CDC14B: variants seen among roughly 807,000 people sequenced by gnomAD.
CDC14B encodes dual specificity protein phosphatase CDC14B.
In CDC14B, 22 loss-of-function variants were observed where a neutral mutation model predicts 64.2. The ratio of observed to expected loss-of-function variants is 0.34; its 90% confidence interval spans 0.24 to 0.49. The LOEUF (loss-of-function observed/expected upper bound fraction) is 0.49. CDC14B is among the 20% of genes least tolerant of loss of function. The probability of loss-of-function intolerance (pLI) is 0.99; values close to 1 mark genes in which losing one functional copy is unlikely to be tolerated. For synonymous variants in CDC14B, 191 were observed against 215.8 expected, an observed-to-expected ratio of 0.89 and a Z score of 1.01; for missense variants, 498 against 629.9, an observed-to-expected ratio of 0.79 and a Z score of 2.24.
At chr9:96,522,009 A>C (rs1333019658) in intron 12 of CDC14B, among the ~76,000 whole-genome samples, 1 of 152,202 alleles carries the variant, frequency 6.6e-6, no homozygotes, top group Non-Finnish European at 1.5e-5. Context: ...TCTCAGGCTA[A>C]ATCTTCCTCT....
chr9:96,527,604 T>A (rs191979742), intron 9 of CDC14B, among the ~76,000 whole-genome samples: 19 of 151,732 alleles, frequency 1.3e-4, no homozygotes, highest in African/African-American at 3.9e-4. Context: ...CCATTTTTAT[T>A]TTTTATTATT....
At chr9:96,553,346 CTTTCT>C (rs1371245651) in intron 4 of CDC14B, among the ~76,000 whole-genome samples, 149 of 149,204 alleles carry the variant, frequency 1.0e-3, no homozygotes, top group African/African-American at 3.4e-3. Flanking sequence ...GTTTCTGTTT[CTTTCT>C]TTTCTTTTCT....
intron 9 of CDC14B, among the ~76,000 whole-genome samples, chr9:96,532,579 T>A (rs1838652129): frequency 6.6e-6 from 1 of 152,168 alleles, no homozygotes; most frequent in Non-Finnish European, 1.5e-5. Flanking sequence ...CCTCTGGAAC[T>A]CCCACGATCT....
At chr9:96,601,794 GAAA>G (rs35472518) in intron 1 of CDC14B, among the ~76,000 whole-genome samples, 3 of 68,252 alleles carry the variant, frequency 4.4e-5, no homozygotes, top group Non-Finnish European at 8.6e-5. Context: ...ACGCTGTCTC[GAAA>G]AAAAAAAAAA....
At chr9:96,604,666 T>G (rs181382851) in intron 1 of CDC14B, among the ~76,000 whole-genome samples, 143 of 151,380 alleles carry the variant, frequency 9.4e-4, no homozygotes, top group Middle Eastern at 3.4e-3. Context: ...CCTTTTTTTT[T>G]GCGGGGGGCG....
At chr9:96,566,724 G>C in intron 1 of CDC14B, 4 of 1,571,292 alleles carry the variant, frequency 2.5e-6, no homozygotes, top group Non-Finnish European at 3.5e-6. Context: ...GTCCCAGCGC[G>C]GGTGCCGGAG....
At position 96,539,147 on chromosome 9, in the gene CDC14B, T is replaced by C. The variant is rs754026747; in HGVS notation, c.565-7A>G. The C allele has an allele frequency of 6.9e-6, 11 of 1,592,346 alleles. No homozygotes were observed. Among genetic ancestry groups the C allele is most frequent in the Non-Finnish European group, 9.5e-6 (11 of 1,161,576 alleles). On this transcript the variant is annotated splice_region_variant and splice_polypyrimidine_tract_variant and intron_variant, in intron 6 of 13. Coordinates refer to ENST00000375241, the MANE Select transcript of CDC14B (RefSeq NM_033331.4). ...GGAAGCCATACTGCATTGCCTAAAATCCAAAAGAAAGCTTTTAAGAACAAG... is the reference window on the plus strand; with the variant it reads ...GGAAGCCATACTGCATTGCCTAAAACCCAAAAGAAAGCTTTTAAGAACAAG...
chr9:96,523,526 T>C (rs1837080570), intron 10 of CDC14B, 61 bp downstream of exon 10: 1 of 1,606,382 alleles, frequency 6.2e-7, no homozygotes, highest in Admixed American at 1.7e-5. Context: ...GAAATTCCAC[T>C]CCCCATCAGA....
intron 1 of CDC14B, among the ~76,000 whole-genome samples, chr9:96,583,705 G>A (rs537628480): frequency 6.7e-6 from 1 of 150,240 alleles, no homozygotes; most frequent in African/African-American, 2.4e-5. Flanking sequence ...CTGGTTGTGA[G>A]GATTTCTTAT....
intron 1 of CDC14B, 110 bp from the exon 2 acceptor site, chr9:96,565,593 G>T: frequency 1.3e-6 from 1 of 776,228 alleles, no homozygotes; most frequent in East Asian, 2.5e-5. Context: ...TTTCATGCAC[G>T]TTTCAGATGG....
Position 96,585,079 on chromosome 9 carries a change from C to T in CDC14B, c.161-19596G>A, listed in dbSNP as rs1156746152. Among the ~76,000 whole-genome samples, 3 of 152,164 alleles carry T rather than the reference C, an allele frequency of 2.0e-5. No individual in the cohort carries two copies. The East Asian group carries it at 5.8e-4, about 29-fold the overall frequency. On this transcript the variant is annotated intron_variant, in intron 1 of 13. Transcript: ENST00000375241. Reference sequence around the variant, plus strand: ...AACATTATTTAGGACATTCACAATTCTAGGCCACTCAACATATTAATAAGT... The same window carrying T: ...AACATTATTTAGGACATTCACAATTTTAGGCCACTCAACATATTAATAAGT...
chr9:96,570,200 C>G (rs768061179), intron 1 of CDC14B, among the ~76,000 whole-genome samples: 32 of 152,162 alleles, frequency 2.1e-4, no homozygotes, highest in Non-Finnish European at 3.2e-4. Flanking sequence ...CTTCCTTTAG[C>G]AAATATCTGT....
downstream of CDC14B, among the ~76,000 whole-genome samples, chr9:96,499,763 G>A (rs563442022): frequency 2.0e-5 from 3 of 152,330 alleles, no homozygotes; most frequent in African/African-American, 7.2e-5. Context: ...GGCCATCGGG[G>A]TAAGCCCCAA....
At chr9:96,589,804 C>CA (rs35917758) in intron 1 of CDC14B, among the ~76,000 whole-genome samples, 7,602 of 151,314 alleles carry the variant, frequency 0.05, 377 homozygotes, top group South Asian at 0.27. Flanking sequence ...TAAAAAAATA[C>CA]AAAAAAATTA....
intron 5 of CDC14B, among the ~76,000 whole-genome samples, chr9:96,547,940 C>A (rs957487391): frequency 8.5e-5 from 13 of 152,160 alleles, no homozygotes; most frequent in Non-Finnish European, 1.8e-4. Flanking sequence ...ATTCTCCTGC[C>A]TCAGCCTCCT....
At chr9:96,540,041 T>C (rs543761249) in intron 6 of CDC14B, among the ~76,000 whole-genome samples, 1 of 152,374 alleles carries the variant, frequency 6.6e-6, no homozygotes, top group East Asian at 1.9e-4. Context: ...TCATTTTATA[T>C]AGTTATTTAA....
At chr9:96,516,994 G>A (rs186582636) in intron 12 of CDC14B, among the ~76,000 whole-genome samples, 1 of 151,784 alleles carries the variant, frequency 6.6e-6, no homozygotes, top group Non-Finnish European at 1.5e-5. Context: ...CTCCATGTTG[G>A]TTAGGCTGGT....
chr9:96,518,367 T>C (rs1017620567), intron 12 of CDC14B, among the ~76,000 whole-genome samples: 1 of 151,838 alleles, frequency 6.6e-6, no homozygotes, highest in African/African-American at 2.4e-5. Context: ...ATACAAAAAT[T>C]AGCGAGGCGT....
At chr9:96,510,323 T>C (rs913307733) in intron 12 of CDC14B, among the ~76,000 whole-genome samples, 18 of 152,228 alleles carry the variant, frequency 1.2e-4, no homozygotes, top group African/African-American at 4.3e-4. Flanking sequence ...CTGAATTATA[T>C]ATAACACTTA....
Sources: gnomAD v4.1 joint callset for allele counts (sites outside exome capture counted in the v4.1 genomes callset) on GRCh38, gnomAD v4.1.1 for gene constraint, MANE v1.5 for transcripts, NCBI Gene and HGNC (gene_info 2026-07-23, HGNC 2026-07-21) for gene names.